Variants in PLXNA2 observed in about 807,000 individuals in gnomAD.
PLXNA2 encodes plexin A2.
PLXNA2 carries 91 observed loss-of-function variants against 193.5 expected under a neutral mutation model. The ratio of observed to expected loss-of-function variants is 0.47; its 90% CI spans 0.40 to 0.56. The LOEUF is 0.56. Ranked by LOEUF, PLXNA2 falls within the 20% of genes least tolerant of loss-of-function variation. The pLI, the probability that PLXNA2 is intolerant of heterozygous loss-of-function variation, is 0.00. For synonymous variants in PLXNA2, 997 were observed against 1,027.3 expected (o/e 0.97, Z 0.56); for missense variants, 1,995 against 2,503.2 (o/e 0.80, Z 4.33).
At chr1:208,065,469 C>T (rs1665761862) in intron 12 of PLXNA2, among the ~76,000 whole-genome samples, 1 of 152,188 alleles carries the variant, frequency 6.6e-6, no homozygotes, top group African/African-American at 2.4e-5. Flanking sequence ...GAGATAACAT[C>T]TGGAGAGTTC....
intron 1 of PLXNA2, among the ~76,000 whole-genome samples, chr1:208,234,093 G>A (rs887875633): frequency 2.0e-5 from 3 of 152,052 alleles, no homozygotes; most frequent in South Asian, 2.1e-4. Flanking sequence ...ACAAGAGACC[G>A]AAAAGAAAAG....
At position 208,119,882 on chromosome 1, in the gene PLXNA2, G is replaced by A. The variant is rs576543525; in HGVS notation, c.1507-16635C>T. ...CACCTGCCTAGCCTCCCAAAGTGCT[G>A]GGATTACAGGCATGAGCCACCGCAC... On this transcript the variant is annotated intron_variant, in intron 4 of 31. Transcript: ENST00000367033. Among the ~76,000 whole-genome samples, 11 of 152,264 alleles carry A rather than the reference G, an allele frequency of 7.2e-5. No homozygotes were observed. In the South Asian group the frequency reaches 2.3e-3, roughly 32 times the overall value.
At position 208,052,473 on chromosome 1, in the gene PLXNA2, G is replaced by T; in HGVS notation, c.2857-10C>A. The T allele has an allele frequency of 6.2e-7, 1 of 1,613,908 alleles. No homozygotes were observed. The highest frequency in any genetic ancestry group is 8.5e-7 in the Non-Finnish European group (1 of 1,179,872). ...ACAGCACAGAAGGGTTCTTTGGAAA[G>T]AAGCAGAGAAATGACTACAGCTTAG... On this transcript the variant is annotated splice_polypyrimidine_tract_variant and intron_variant, in intron 14 of 31. Coordinates refer to ENST00000367033, the MANE Select transcript of PLXNA2 (RefSeq NM_025179.4).
Position 208,028,951 on chromosome 1 carries a change from C to A in PLXNA2, c.5317G>T (p.Val1773Leu). The change falls in exon 30 of 32, where the codon GTG (valine) becomes TTG (leucine). Residue 1773 changes from valine to leucine, a missense_variant. Physicochemically the swap from Val to Leu is conservative, Grantham distance 32. Around this residue, in one of 3 missense-constraint regions of PLXNA2, gnomAD observed 1,291 missense variants for 1,673.6 expected, o/e 0.77. Coordinates refer to ENST00000367033, the MANE Select transcript of PLXNA2 (RefSeq NM_025179.4). The surrounding 1 kb of genome is among the most constrained non-coding windows in gnomAD (Gnocchi z 4.2). ...GAGTCCATGAAGGTCTGGGCCACCACAGAGAGGCAGGCGTCCGTGATGCTG... is the reference window on the plus strand; with the variant it reads ...GAGTCCATGAAGGTCTGGGCCACCAAAGAGAGGCAGGCGTCCGTGATGCTG... ...KGSITDACLS[V>L]VAQTFMDSCS... The A allele has an allele frequency of 1.9e-6, 3 of 1,614,180 alleles. No individual in the cohort carries two copies. The highest frequency in any genetic ancestry group is 2.5e-6 in the Non-Finnish European group (3 of 1,180,024).
At chr1:208,125,053 A>G (rs977840836) in intron 4 of PLXNA2, among the ~76,000 whole-genome samples, 1 of 152,236 alleles carries the variant, frequency 6.6e-6, no homozygotes, top group African/African-American at 2.4e-5. Flanking sequence ...TCTCAGAACC[A>G]AATTCATTAT....
At chr1:208,185,264 A>T (rs1302601250) in intron 3 of PLXNA2, among the ~76,000 whole-genome samples, 2 of 152,196 alleles carry the variant, frequency 1.3e-5, no homozygotes, top group African/African-American at 4.8e-5. Flanking sequence ...CCACAGATCC[A>T]GGTACCTTCG....
chr1:208,095,439 A>C (rs1028766662), intron 8 of PLXNA2, among the ~76,000 whole-genome samples: 2 of 152,324 alleles, frequency 1.3e-5, no homozygotes, highest in East Asian at 3.9e-4. Flanking sequence ...GCCCCACTGA[A>C]GGCTGTGGTT....
chr1:208,037,474 T>C (rs1051729647), intron 26 of PLXNA2, among the ~76,000 whole-genome samples: 1 of 152,202 alleles, frequency 6.6e-6, no homozygotes, highest in Non-Finnish European at 1.5e-5. Flanking sequence ...GATCCTTCTT[T>C]CCGAGACAGG....
chr1:208,230,941 T>A (rs1671671101), intron 1 of PLXNA2, among the ~76,000 whole-genome samples: 2 of 152,314 alleles, frequency 1.3e-5, no homozygotes, highest in Admixed American at 1.3e-4. Context: ...GAGGGGTGGC[T>A]GGAACTCTGG....
intron 17 of PLXNA2, among the ~76,000 whole-genome samples, chr1:208,050,448 T>G (rs1351381867): frequency 2.0e-5 from 3 of 152,254 alleles, no homozygotes; most frequent in Non-Finnish European, 4.4e-5. Context: ...CAGGAGTCCT[T>G]TTGTGCTGTA....
At chr1:208,045,603 C>T (rs1025586872) in intron 18 of PLXNA2, among the ~76,000 whole-genome samples, 2 of 152,172 alleles carry the variant, frequency 1.3e-5, no homozygotes, top group African/African-American at 2.4e-5. Context: ...GAAAAGGAAA[C>T]AGTTACTCCC....
At chr1:208,124,736 C>G (rs1044371101) in intron 4 of PLXNA2, among the ~76,000 whole-genome samples, 3 of 149,560 alleles carry the variant, frequency 2.0e-5, no homozygotes, top group Non-Finnish European at 3.0e-5. Context: ...TAGGCAAGCC[C>G]AACTAAAGAG....
chr1:208,167,062 G>T (rs918891612), intron 3 of PLXNA2, among the ~76,000 whole-genome samples: 1 of 152,186 alleles, frequency 6.6e-6, no homozygotes, highest in Non-Finnish European at 1.5e-5. Context: ...GCCTCTCTAG[G>T]TTGCTGGGGA....
intron 1 of PLXNA2, among the ~76,000 whole-genome samples, chr1:208,239,831 G>C (rs2102652119): frequency 6.6e-6 from 1 of 152,350 alleles, no homozygotes; most frequent in South Asian, 2.1e-4. Flanking sequence ...GGCAGTGCGT[G>C]GGAAGAGTAT....
chr1:208,088,165 C>G (rs768806922), intron 9 of PLXNA2, among the ~76,000 whole-genome samples: 13 of 152,164 alleles, frequency 8.5e-5, no homozygotes, highest in Non-Finnish European at 1.9e-4. Flanking sequence ...TAAACCAAGA[C>G]TTAAACTTGT....
At position 208,082,372 on chromosome 1, in the gene PLXNA2, C is replaced by T. The variant is rs751491122; in HGVS notation, c.2395+40G>A. The T allele has an allele frequency of 5.4e-5, 82 of 1,520,630 alleles. No individual in the cohort carries two copies. The highest frequency in any genetic ancestry group is 3.4e-4 in the Middle Eastern group (2 of 5,940). The allele number at this position is 1,520,630 out of a possible 1,614,324, so 94.2% of individuals were successfully genotyped here. On this transcript the variant is annotated intron_variant, in intron 11 of 31. Transcript: ENST00000367033. This position sits in a 1 kb window ranked among gnomAD's most constrained non-coding sequence, Gnocchi z 4.2. ...CTCTAGCCCCAGTCTTTCCCGGGGT[C>T]GTGAAAAGATCAAACTTCTACCCGG...
At chr1:208,160,820 A>C (rs1296595790) in intron 3 of PLXNA2, among the ~76,000 whole-genome samples, 2 of 152,252 alleles carry the variant, frequency 1.3e-5, no homozygotes, top group Non-Finnish European at 2.9e-5. Flanking sequence ...GAGAGGGCCC[A>C]CTGGGCCTTG....
At chr1:208,051,206 G>A (rs1263921922) in intron 16 of PLXNA2, 50 bp downstream of exon 16, 1 of 1,593,130 alleles carries the variant, frequency 6.3e-7, no homozygotes, top group South Asian at 1.1e-5. Flanking sequence ...TGGGCTGCAG[G>A]GATCATGCTG....
chr1:208,234,838 A>G (rs1409043285), intron 1 of PLXNA2, among the ~76,000 whole-genome samples: 1 of 152,122 alleles, frequency 6.6e-6, no homozygotes, highest in African/African-American at 2.4e-5. Flanking sequence ...ACGCTGGGGC[A>G]AACAAACCTC....
Sources: gnomAD v4.1 joint callset for allele counts (sites outside exome capture counted in the v4.1 genomes callset) on GRCh38, gnomAD v4.1.1 for gene constraint, gnomAD v4.1.1 regional missense constraint, Gnocchi (gnomAD v3.1) non-coding constraint, MANE v1.5 for transcripts, NCBI Gene and HGNC (gene_info 2026-07-23, HGNC 2026-07-21) for gene names.